Variants in DAB1 observed in about 807,000 individuals in gnomAD.
DAB1 encodes the protein disabled homolog 1.
A neutral mutation model predicts 64.6 loss-of-function variants in DAB1; 15 were observed. The observed-to-expected ratio is 0.23, with a 90% CI of 0.16 to 0.36. The LOEUF is 0.36. Ranked by LOEUF, DAB1 falls within the 10% of genes least tolerant of loss-of-function variation. The pLI is 1.00. For missense variants in DAB1, 596 were observed against 706.7 expected, an observed-to-expected ratio of 0.84 and a Z score of 1.78; for synonymous variants, 235 against 251.9, an observed-to-expected ratio of 0.93 and a Z score of 0.64.
chr1:58,155,590 A>G (rs1032630615), intron 4 of DAB1, among the ~76,000 whole-genome samples: 3 of 152,218 alleles, frequency 2.0e-5, no homozygotes, highest in African/African-American at 7.2e-5. Context: ...ACAGAAATAA[A>G]AATTTCATCA....
chr1:57,959,468 C>T (rs1480149787), intron 5 of DAB1, among the ~76,000 whole-genome samples: 3 of 152,196 alleles, frequency 2.0e-5, no homozygotes, highest in African/African-American at 7.2e-5. Flanking sequence ...ATTTTCACAT[C>T]CTCGCAGTAA....
intron 6 of DAB1, among the ~76,000 whole-genome samples, chr1:57,781,124 CTCTATATATATATATATATA>C (rs1460917291): frequency 3.9e-3 from 153 of 38,868 alleles, no homozygotes; most frequent in East Asian, 0.023. Context: ...CTCTCTCTCT[CTCTATATATATATATATATA>C]TATATATATA....
At chr1:57,439,421 T>TTTTTTTTTTGTTTTTTTTTGTTTTTTG (rs1558381279) in intron 7 of DAB1, among the ~76,000 whole-genome samples, 1 of 118,938 alleles carries the variant, frequency 8.4e-6, no homozygotes, top group East Asian at 2.4e-4. Context: ...TGATGAGGTT[T>TTTTTTTTTTGTTTTTTTTTGTTTTTTG]TTTCTTTTTT....
At chr1:57,570,769 T>C (rs1268102925) in intron 7 of DAB1, among the ~76,000 whole-genome samples, 1 of 152,206 alleles carries the variant, frequency 6.6e-6, no homozygotes, top group Non-Finnish European at 1.5e-5. Flanking sequence ...TTACATTGAA[T>C]TTGTAGATTG....
intron 8 of DAB1, among the ~76,000 whole-genome samples, chr1:57,065,103 C>T (rs1650770415): frequency 6.6e-6 from 1 of 152,178 alleles, no homozygotes; most frequent in Non-Finnish European, 1.5e-5. Context: ...AATGGATAAA[C>T]TCAAACTGTG....
intron 5 of DAB1, chr1:58,074,376 T>C (rs1327918765): frequency 2.6e-5 from 4 of 151,066 alleles, no homozygotes; most frequent in Admixed American, 2.0e-4. Flanking sequence ...TGTATATACA[T>C]ATTTTTCTCT....
At chr1:57,016,549 C>CT (rs982288412) in intron 11 of DAB1, among the ~76,000 whole-genome samples, 1 of 151,822 alleles carries the variant, frequency 6.6e-6, no homozygotes, top group Non-Finnish European at 1.5e-5. Context: ...TATGATCACC[C>CT]TACTGCACTT....
intron 6 of DAB1, among the ~76,000 whole-genome samples, chr1:57,668,799 T>A (rs1646477248): frequency 6.6e-6 from 1 of 152,118 alleles, no homozygotes; most frequent in Non-Finnish European, 1.5e-5. Context: ...CTTCTCAAAC[T>A]CCATGTCTGA....
chr1:57,400,796 G>A (rs1174291999), intron 1 of DAB1, among the ~76,000 whole-genome samples: 3 of 151,882 alleles, frequency 2.0e-5, no homozygotes, highest in Non-Finnish European at 4.4e-5. Flanking sequence ...GTCATACAAA[G>A]AGCAATCATG....
chr1:57,101,872 T>C (rs771444465), intron 4 of DAB1, among the ~76,000 whole-genome samples: 1 of 152,196 alleles, frequency 6.6e-6, no homozygotes, highest in Non-Finnish European at 1.5e-5. Context: ...GCATTATTAC[T>C]AGCAATTTAT....
chr1:57,434,381 G>A (rs1685615044), intron 7 of DAB1, among the ~76,000 whole-genome samples: 1 of 152,136 alleles, frequency 6.6e-6, no homozygotes, highest in South Asian at 2.1e-4. Context: ...AGACAAGTCA[G>A]ACCCCAAAGA....
chr1:57,091,359 T>C (rs547072005), intron 4 of DAB1, among the ~76,000 whole-genome samples: 2 of 152,354 alleles, frequency 1.3e-5, no homozygotes, highest in Non-Finnish European at 1.5e-5. Flanking sequence ...CATTGTATCA[T>C]TCAAGGTTCT....
intron 3 of DAB1, among the ~76,000 whole-genome samples, chr1:58,361,863 C>CTTTTT (rs34029239): frequency 0.01 from 850 of 84,014 alleles, 11 homozygotes; most frequent in Admixed American, 0.015. Flanking sequence ...AAAGATCCCC[C>CTTTTT]TTTTTTTTTT....
At position 56,997,048 on chromosome 1, in the gene DAB1, G is replaced by A. The variant is rs1267668940; in HGVS notation, c.*1096C>T. ...ATGAACCATTTGGACCACAGAATCA[G>A]TTTGTTATTCTGAATATTTATGCCA... On this transcript the variant is annotated 3_prime_UTR_variant, in exon 15 of 15. Transcript: ENST00000371236. 2 of 151,912 alleles carry A rather than the reference G, an allele frequency of 1.3e-5. No homozygotes were observed. Among genetic ancestry groups the A allele is most frequent in the Non-Finnish European group, 2.9e-5 (2 of 67,994 alleles). 9.4% of individuals were successfully genotyped at this position (151,912 alleles called of 1,614,324 possible). A position where few individuals can be genotyped will look rare whatever the true frequency, so the allele number is the denominator to read the frequency against.
intron 5 of DAB1, among the ~76,000 whole-genome samples, chr1:58,138,773 A>G (rs1654098256): frequency 6.6e-6 from 1 of 152,188 alleles, no homozygotes; most frequent in African/African-American, 2.4e-5. Context: ...TGGGGTAGAA[A>G]AGAGGGAATG....
At chr1:57,615,979 A>G (rs1472918495) in intron 7 of DAB1, among the ~76,000 whole-genome samples, 1 of 152,202 alleles carries the variant, frequency 6.6e-6, no homozygotes, top group Non-Finnish European at 1.5e-5. Context: ...TGGTCTTACT[A>G]GAATAGTAAG....
chr1:58,260,978 A>G (rs1046053120), intron 4 of DAB1, among the ~76,000 whole-genome samples: 1 of 152,208 alleles, frequency 6.6e-6, no homozygotes. Context: ...AGAGGTGCTC[A>G]ATAAATATTG....
chr1:58,087,356 A>G (rs979652204), intron 5 of DAB1, among the ~76,000 whole-genome samples: 1 of 152,224 alleles, frequency 6.6e-6, no homozygotes, highest in Admixed American at 6.5e-5. Flanking sequence ...ACTTACCATG[A>G]ATCCATCAGA....
rs75727843 is a variant in DAB1 at position 57,291,065 on chromosome 1, C to T, written c.-35G>A. 18 of 1,521,418 alleles carry T rather than the reference C, an allele frequency of 1.2e-5. No homozygotes were observed. The East Asian group carries it at 1.6e-4, about 14-fold the overall frequency. 94.2% of individuals were successfully genotyped at this position (1,521,418 alleles called of 1,614,324 possible). ...TCCTTAGTCCACTTCACACAGATCC[C>T]GGGCCTCGGCCAGGCTCATTGAGGA... On this transcript the variant is annotated 5_prime_UTR_variant, in exon 2 of 15. Transcript: ENST00000371236.
Sources: allele counts gnomAD v4.1 joint callset (sites outside exome capture counted in the v4.1 genomes callset), GRCh38; gene constraint gnomAD v4.1.1; transcripts MANE v1.5; gene names NCBI Gene and HGNC (gene_info 2026-07-23, HGNC 2026-07-21).